EML1: variants seen among roughly 807,000 people sequenced by gnomAD.
EML1 encodes the protein EMAP like 1.
A neutral mutation model predicts 110.4 loss-of-function variants in EML1; 27 were observed. That is an observed-to-expected ratio of 0.24 (90% confidence interval 0.18 to 0.34). EML1 has a LOEUF of 0.34. Ranked by LOEUF, EML1 falls within the 10% of genes least tolerant of loss-of-function variation. EML1 has a pLI of 1.00. For synonymous variants in EML1, 344 were observed against 385.8 expected, an observed-to-expected ratio of 0.89 and a Z score of 1.27; for missense variants, 741 against 1,030.9, an observed-to-expected ratio of 0.72 and a Z score of 3.85.
intron 9 of EML1, 72 bp downstream of exon 9, chr14:99,901,111 G>A (rs1371190935): frequency 2.2e-6 from 3 of 1,358,702 alleles, no homozygotes; most frequent in Non-Finnish European, 2.1e-6. Flanking sequence ...GGTTGAAGAG[G>A]GGGAGTTGAC....
chr14:99,812,969 T>C (rs1361417740), intron 1 of EML1, among the ~76,000 whole-genome samples: 1 of 152,174 alleles, frequency 6.6e-6, no homozygotes, highest in African/African-American at 2.4e-5. Context: ...TCTCATTTAC[T>C]CTGTAAAAAA....
At chr14:99,880,710 C>A (rs140064795) in intron 4 of EML1, among the ~76,000 whole-genome samples, 1 of 152,316 alleles carries the variant, frequency 6.6e-6, no homozygotes, top group East Asian at 1.9e-4. Context: ...GGCAGAGGCT[C>A]TGCAGTAAAA....
At chr14:99,820,664 G>A (rs906866421) in intron 1 of EML1, among the ~76,000 whole-genome samples, 1 of 152,178 alleles carries the variant, frequency 6.6e-6, no homozygotes, top group East Asian at 1.9e-4. Flanking sequence ...TTGTATACCG[G>A]TGTCTTAACG....
intron 1 of EML1, among the ~76,000 whole-genome samples, chr14:99,742,616 G>A (rs1229468765): frequency 1.3e-5 from 2 of 152,110 alleles, no homozygotes; most frequent in African/African-American, 4.8e-5. Context: ...CCCCTATTAG[G>A]AGGGCCCAAA....
In EML1 at chr14:99,887,488, G is replaced by C. The variant is rs572681431; in HGVS notation, c.519-3711G>C. Among the ~76,000 whole-genome samples, 121 of 152,064 alleles carry C rather than the reference G, an allele frequency of 8.0e-4. 4 individuals are homozygous for C. The South Asian group carries it at 0.025, about 31-fold the overall frequency. ...CAAGGGATGAATGGAGCCTCATTCT[G>C]CAGCTGGTGCTCCTTCACCCTTCCT... On this transcript the variant is annotated intron_variant, in intron 4 of 21. Coordinates refer to ENST00000262233, the MANE Select transcript of EML1 (RefSeq NM_004434.3).
intron 1 of EML1, among the ~76,000 whole-genome samples, chr14:99,742,705 G>A (rs1044705884): frequency 5.3e-5 from 8 of 152,124 alleles, no homozygotes; most frequent in Non-Finnish European, 1.2e-4. Context: ...TGTGGAGTGC[G>A]TGGAGGGCTG....
At chr14:99,771,803 C>A (rs563619408), upstream of EML1, among the ~76,000 whole-genome samples, 1 of 152,282 alleles carries the variant, frequency 6.6e-6, no homozygotes, top group Admixed American at 6.5e-5. Flanking sequence ...CAGAGTGAAA[C>A]CCTGTCTCAA....
chr14:99,787,025 G>C (rs1027865198), intron 1 of EML1, among the ~76,000 whole-genome samples: 3 of 152,128 alleles, frequency 2.0e-5, no homozygotes, highest in Non-Finnish European at 1.5e-5. Context: ...TTAATAATTG[G>C]AGTGCTTCAG....
At chr14:99,839,794 A>G (rs1032116809) in intron 1 of EML1, among the ~76,000 whole-genome samples, 2 of 152,214 alleles carry the variant, frequency 1.3e-5, no homozygotes, top group African/African-American at 4.8e-5. Context: ...GTCATTTTCT[A>G]TGAAGTGATG....
intron 16 of EML1, among the ~76,000 whole-genome samples, chr14:99,918,324 T>C (rs1186302651): frequency 6.6e-6 from 1 of 152,028 alleles, no homozygotes; most frequent in Non-Finnish European, 1.5e-5. Context: ...TCTTGAGCTC[T>C]AGCTCAAGCA....
chr14:99,756,785 T>G (rs2057260587), intron 1 of EML1, among the ~76,000 whole-genome samples: 1 of 152,078 alleles, frequency 6.6e-6, no homozygotes, highest in African/African-American at 2.4e-5. Flanking sequence ...TGAAGTTCAG[T>G]GTGTCAGGCA....
intron 1 of EML1, among the ~76,000 whole-genome samples, chr14:99,821,018 A>G (rs1200186598): frequency 7.0e-6 from 1 of 142,422 alleles, no homozygotes; most frequent in Non-Finnish European, 1.5e-5. Flanking sequence ...GACTTCTTAC[A>G]TTTACTTTTT....
chr14:99,831,690 ATCT>A (rs1262544668), intron 1 of EML1, among the ~76,000 whole-genome samples: 2 of 152,092 alleles, frequency 1.3e-5, no homozygotes, highest in Admixed American at 1.3e-4. Flanking sequence ...AGTTCAATAC[ATCT>A]TTTTTTTCTT....
chr14:99,770,781 T>TTTTTTTTTTTTTTTTTTTTTTA (rs2057418664), upstream of EML1, among the ~76,000 whole-genome samples: 1 of 106,370 alleles, frequency 9.4e-6, no homozygotes, highest in Non-Finnish European at 1.8e-5. Flanking sequence ...TTCCGCTGAT[T>TTTTTTTTTTTTTTTTTTTTTTA]TTTTTTTTTT....
At chr14:99,906,260 G>T (rs1477091859) in intron 9 of EML1, among the ~76,000 whole-genome samples, 6 of 152,292 alleles carry the variant, frequency 3.9e-5, no homozygotes, top group Non-Finnish European at 7.3e-5. Context: ...ACGCAAGAAA[G>T]AATTCTAGGC....
At chr14:99,899,864 G>A (rs868025495) in intron 8 of EML1, among the ~76,000 whole-genome samples, 1 of 152,036 alleles carries the variant, frequency 6.6e-6, no homozygotes, top group Non-Finnish European at 1.5e-5. Context: ...AAATATTATA[G>A]TTATCTTTCA....
At chr14:99,843,855 CCTT>C (rs750029154) in intron 1 of EML1, among the ~76,000 whole-genome samples, 1 of 152,176 alleles carries the variant, frequency 6.6e-6, no homozygotes, top group Non-Finnish European at 1.5e-5. Flanking sequence ...CCTGACTCTG[CCTT>C]CTTTTATTCA....
chr14:99,789,586 T>G (rs17099050), upstream of EML1, among the ~76,000 whole-genome samples: 18,157 of 152,224 alleles, frequency 0.12, 1,979 homozygotes, highest in African/African-American at 0.29. Context: ...AAGCACTGTG[T>G]TCTATGTGCT....
intron 5 of EML1, among the ~76,000 whole-genome samples, chr14:99,893,499 G>A (rs571615966): frequency 6.6e-6 from 1 of 152,238 alleles, no homozygotes; most frequent in East Asian, 1.9e-4. Flanking sequence ...AGTGTGTCAC[G>A]TGCATGCATT....
Sources: allele counts gnomAD v4.1 joint callset (sites outside exome capture counted in the v4.1 genomes callset), GRCh38; gene constraint gnomAD v4.1.1; transcripts MANE v1.5; gene names NCBI Gene and HGNC (gene_info 2026-07-23, HGNC 2026-07-21).